FRAS1: variants seen among roughly 807,000 people sequenced by gnomAD.
FRAS1 encodes the protein extracellular matrix organizing protein FRAS1.
FRAS1 carries 290 observed loss-of-function variants against 435.2 expected under a neutral mutation model. That is an observed-to-expected ratio of 0.67 (90% confidence interval 0.61 to 0.73). The LOEUF (loss-of-function observed/expected upper bound fraction) is 0.73. Ranked by LOEUF, FRAS1 falls within the 30% of genes least tolerant of loss-of-function variation. The pLI is 0.00. For synonymous variants in FRAS1, 1,800 were observed against 1,851.0 expected, an observed-to-expected ratio of 0.97 and a Z score of 0.71; for missense variants, 4,860 against 5,001.5, an observed-to-expected ratio of 0.97 and a Z score of 0.85.
intron 38 of FRAS1, among the ~76,000 whole-genome samples, chr4:78,436,833 G>T (rs1734448101): frequency 6.6e-6 from 1 of 152,042 alleles, no homozygotes; most frequent in Non-Finnish European, 1.5e-5. Context: ...AAGATTTAGG[G>T]TGATGGGAGG....
At chr4:78,112,663 G>C (rs927034526) in intron 2 of FRAS1, among the ~76,000 whole-genome samples, 5 of 151,992 alleles carry the variant, frequency 3.3e-5, no homozygotes, top group African/African-American at 9.7e-5. Flanking sequence ...AGTTAGTGCA[G>C]TTATGAAATG....
chr4:78,522,813 A>C lies in FRAS1; in HGVS notation c.10808+5A>C. ...AGCCACAAGCTCTTATAACAGGTAA[A>C]TACAGTGATGGAGGCCTCCATGGGT... On this transcript the variant is annotated splice_donor_5th_base_variant and intron_variant, in intron 69 of 73. Coordinates refer to ENST00000512123, the MANE Select transcript of FRAS1 (RefSeq NM_025074.7). 1 of 1,598,988 alleles carries C rather than the reference A, an allele frequency of 6.3e-7. No individual in the cohort carries two copies.
At chr4:78,494,076 A>G (rs779496074) in intron 59 of FRAS1, among the ~76,000 whole-genome samples, 1 of 151,684 alleles carries the variant, frequency 6.6e-6, no homozygotes, top group African/African-American at 2.4e-5. Flanking sequence ...TCATCAATCT[A>G]TTGTGTTTAA....
intron 57 of FRAS1, 21 bp downstream of exon 57, chr4:78,481,985 ACT>A (rs761721984): frequency 4.4e-6 from 7 of 1,606,548 alleles, no homozygotes; most frequent in Non-Finnish European, 5.9e-6. Flanking sequence ...AGCAGTCGAG[ACT>A]CCACAAAGTT....
At chr4:78,472,852 C>T (rs570314231) in intron 52 of FRAS1, among the ~76,000 whole-genome samples, 36 of 152,306 alleles carry the variant, frequency 2.4e-4, no homozygotes, top group Non-Finnish European at 4.4e-4. Flanking sequence ...AGACTTTTTT[C>T]AGGATTGACT....
intron 49 of FRAS1, 78 bp downstream of exon 49, chr4:78,464,661 CA>C: frequency 6.7e-7 from 1 of 1,499,402 alleles, no homozygotes; most frequent in Non-Finnish European, 9.1e-7. Flanking sequence ...TGCAGCTGTG[CA>C]TCCTGATGGT....
chr4:78,219,707 A>G (rs1469979972), intron 2 of FRAS1, among the ~76,000 whole-genome samples: 3 of 152,196 alleles, frequency 2.0e-5, no homozygotes, highest in Admixed American at 6.5e-5. Context: ...AGATGTCAGG[A>G]TAAGTAATTG....
At chr4:78,526,052 T>A (rs916199793) in intron 69 of FRAS1, among the ~76,000 whole-genome samples, 1 of 152,184 alleles carries the variant, frequency 6.6e-6, no homozygotes, top group Admixed American at 6.5e-5. Flanking sequence ...TGGAGTGGTG[T>A]CCTGGAATCC....
intron 2 of FRAS1, among the ~76,000 whole-genome samples, chr4:78,195,838 G>C (rs2110069758): frequency 6.6e-6 from 1 of 152,082 alleles, no homozygotes; most frequent in African/African-American, 2.4e-5. Context: ...AGTTGGAAAT[G>C]CATAAATCAC....
intron 14 of FRAS1, among the ~76,000 whole-genome samples, chr4:78,305,298 G>C (rs936448316): frequency 4.6e-5 from 7 of 151,836 alleles, no homozygotes; most frequent in African/African-American, 1.7e-4. Flanking sequence ...GGTCAGTTTT[G>C]GAATAGGTGT....
chr4:78,522,635 TC>T lies in FRAS1; in HGVS notation c.10649-10del. The T allele has an allele frequency of 6.3e-7, 1 of 1,589,466 alleles. No homozygotes were observed. Among genetic ancestry groups the T allele is most frequent in the Non-Finnish European group, 8.6e-7 (1 of 1,166,942 alleles). ...CACAAGTACATTAAATGCATGTGTT[TC>T]CCCTTCAAATAGGACAGTTTGTGAT... On this transcript the variant is annotated splice_polypyrimidine_tract_variant and intron_variant, in intron 68 of 73. Coordinates refer to ENST00000512123, the MANE Select transcript of FRAS1 (RefSeq NM_025074.7).
At chr4:78,453,629 C>T (rs1382249637) in intron 47 of FRAS1, among the ~76,000 whole-genome samples, 1 of 151,940 alleles carries the variant, frequency 6.6e-6, no homozygotes, top group African/African-American at 2.4e-5. Context: ...AGTGAGACCC[C>T]GTTTATTTTC....
chr4:78,493,291 A>C (rs1720418367), intron 59 of FRAS1, among the ~76,000 whole-genome samples: 1 of 152,236 alleles, frequency 6.6e-6, no homozygotes, highest in East Asian at 1.9e-4. Flanking sequence ...TGGCCTAGCA[A>C]TCCCATTACT....
At chr4:78,215,865 TG>T (rs1256940925) in intron 2 of FRAS1, among the ~76,000 whole-genome samples, 1 of 152,250 alleles carries the variant, frequency 6.6e-6, no homozygotes, top group Admixed American at 6.5e-5. Flanking sequence ...GACAGACACT[TG>T]GGTTGCTTCC....
chr4:78,470,153 C>T (rs1160170389), intron 51 of FRAS1, 62 bp downstream of exon 51: 2 of 1,056,630 alleles, frequency 1.9e-6, no homozygotes, highest in African/African-American at 3.1e-5. Context: ...TTCTTCACGA[C>T]AATGACTTAT....
chr4:78,187,388 T>C (rs759790619), intron 2 of FRAS1, among the ~76,000 whole-genome samples: 1 of 151,990 alleles, frequency 6.6e-6, no homozygotes, highest in Non-Finnish European at 1.5e-5. Flanking sequence ...TGTGGAGGGG[T>C]GATAGCTGAC....
chr4:78,357,573 G>A (rs775753338), intron 20 of FRAS1, among the ~76,000 whole-genome samples: 2 of 152,048 alleles, frequency 1.3e-5, no homozygotes, highest in Non-Finnish European at 2.9e-5. Context: ...TTGTGTTGGT[G>A]GGGGGCCTGG....
Position 78,511,521 on chromosome 4 carries a change from G to T in FRAS1, c.10013+15G>T, listed in dbSNP as rs1209507138. On this transcript the variant is annotated intron_variant, in intron 64 of 73. Transcript: ENST00000512123. ...CATCCGAACAGGTCAGGCAGGTGGTGCCTTCCACCACACATAGATTGAAGT... is the reference window on the plus strand; with the variant it reads ...CATCCGAACAGGTCAGGCAGGTGGTTCCTTCCACCACACATAGATTGAAGT... 7 of 1,571,624 alleles carry T rather than the reference G, an allele frequency of 4.5e-6. No individual in the cohort carries two copies. The Admixed American group carries it at 6.8e-5, about 15-fold the overall frequency.
rs536406813 is a variant in FRAS1 at position 78,188,696 on chromosome 4, A to G, written c.109-48814A>G. Among the ~76,000 whole-genome samples the G allele has an allele frequency of 5.4e-4, 82 of 152,368 alleles. 1 individual carries two copies. In the South Asian group the frequency reaches 0.017, roughly 31 times the overall value. ...GACTGTAGCTTAGCCAAGTTGACAC[A>G]TAAAACTGACCATCACATAAGGGTT... On this transcript the variant is annotated intron_variant, in intron 2 of 73. Coordinates refer to ENST00000512123, the MANE Select transcript of FRAS1 (RefSeq NM_025074.7).
Sources: allele counts gnomAD v4.1 joint callset (sites outside exome capture counted in the v4.1 genomes callset), GRCh38; gene constraint gnomAD v4.1.1; transcripts MANE v1.5; gene names NCBI Gene and HGNC (gene_info 2026-07-23, HGNC 2026-07-21).